Variants in GLRX5 observed in about 807,000 individuals in gnomAD.
The protein encoded by GLRX5 is glutaredoxin 5.
In GLRX5, 10 loss-of-function variants were observed where a neutral mutation model predicts 13.8. The observed-to-expected ratio is 0.72, with a 90% CI of 0.45 to 1.23. GLRX5 has a LOEUF of 1.23. Among genes scored for constraint, GLRX5 ranks in the 50% most tolerant of loss-of-function variants. The pLI is 0.00. For synonymous variants in GLRX5, 98 were observed against 101.1 expected (o/e 0.97, Z 0.18); for missense variants, 233 against 215.2 (o/e 1.08, Z -0.52).
At chr14:95,542,761 A>G (rs924324183) in intron 1 of GLRX5, among the ~76,000 whole-genome samples, 1 of 152,236 alleles carries the variant, frequency 6.6e-6, no homozygotes, top group South Asian at 2.1e-4. Context: ...TAAAAGTGTC[A>G]CATAAGTGTT....
At chr14:95,543,666 CAA>C (rs3071413) in intron 1 of GLRX5, 3 of 370,840 alleles carry the variant, frequency 8.1e-6, no homozygotes, top group African/African-American at 2.1e-5. Flanking sequence ...CTAATTCTCA[CAA>C]AAAAAAAAAC....
At chr14:95,542,490 T>C (rs1371344943) in intron 1 of GLRX5, among the ~76,000 whole-genome samples, 3 of 152,226 alleles carry the variant, frequency 2.0e-5, no homozygotes, top group Non-Finnish European at 4.4e-5. Context: ...CAAAGTCAGT[T>C]TTTTTAATAA....
At chr14:95,536,876 G>T (rs1415297005) in intron 1 of GLRX5, among the ~76,000 whole-genome samples, 1 of 152,150 alleles carries the variant, frequency 6.6e-6, no homozygotes, top group Non-Finnish European at 1.5e-5. Flanking sequence ...CGAGAGGGCA[G>T]GTTCAAATTA....
chr14:95,539,563 C>T (rs1383796003), intron 1 of GLRX5, among the ~76,000 whole-genome samples: 1 of 152,166 alleles, frequency 6.6e-6, no homozygotes, highest in Non-Finnish European at 1.5e-5. Context: ...GATATGTGTG[C>T]AGTGCACTTG....
chr14:95,543,618 C>T (rs929169996), intron 1 of GLRX5: 2 of 349,754 alleles, frequency 5.7e-6, no homozygotes, highest in South Asian at 5.4e-5. Context: ...ATCTAAGGTC[C>T]GCAATGTATC....
At position 95,543,578 on chromosome 14, in the gene GLRX5, T is replaced by C. The variant is rs142270184; in HGVS notation, c.296-369T>C. The C allele has an allele frequency of 1.8e-3, 552 of 313,812 alleles. 2 individuals carry two copies. The highest frequency in any genetic ancestry group is 0.011 in the African/African-American group (522 of 46,304). The allele number at this position is 313,812 out of a possible 1,614,324, so 19.4% of individuals were successfully genotyped here. On this transcript the variant is annotated intron_variant, in intron 1 of 1. Coordinates refer to ENST00000331334, the MANE Select transcript of GLRX5 (RefSeq NM_016417.3). ...TTGGCCTTATGTATCTTATGTGACT[T>C]GCATTACCCAGTCCAGTCCTCTGCC...
chr14:95,543,203 C>T (rs1265061446), intron 1 of GLRX5: 2 of 455,870 alleles, frequency 4.4e-6, no homozygotes, highest in Non-Finnish European at 8.8e-6. Flanking sequence ...ATTAGACTCA[C>T]CAGTCACTTC....
intron 1 of GLRX5, among the ~76,000 whole-genome samples, chr14:95,538,362 A>G (rs1428085708): frequency 6.6e-6 from 1 of 152,262 alleles, no homozygotes; most frequent in Non-Finnish European, 1.5e-5. Flanking sequence ...GAACAGTGAC[A>G]GAATAGGGAC....
chr14:95,540,486 C>A (rs1320623863), intron 1 of GLRX5, among the ~76,000 whole-genome samples: 1 of 152,208 alleles, frequency 6.6e-6, no homozygotes, highest in Non-Finnish European at 1.5e-5. Flanking sequence ...GCTACATTTA[C>A]AGGCTAGCAA....
At chr14:95,543,123 AAG>A in intron 1 of GLRX5, 1 of 456,000 alleles carries the variant, frequency 2.2e-6, no homozygotes, top group South Asian at 1.5e-5. Flanking sequence ...GTGAGCGCTT[AAG>A]AGCAGAGCGG....
At chr14:95,542,787 TG>T (rs1891492708) in intron 1 of GLRX5, among the ~76,000 whole-genome samples, 1 of 152,266 alleles carries the variant, frequency 6.6e-6, no homozygotes, top group South Asian at 2.1e-4. Context: ...TTATATGCCA[TG>T]CTTTGACCAT....
Position 95,544,348 on chromosome 14 carries a change from G to A in GLRX5, c.*223G>A, listed in dbSNP as rs1891524934. The A allele has an allele frequency of 1.0e-5, 6 of 573,662 alleles. No individual in the cohort carries two copies. Among genetic ancestry groups the A allele is most frequent in the Non-Finnish European group, 1.9e-5 (6 of 320,764 alleles). 35.5% of individuals were successfully genotyped at this position (573,662 alleles called of 1,614,324 possible). ...CACTGCACTGTAATGATTCAATGCTGTATTATGATATTGCTGTAAACAAAA... is the reference window on the plus strand; with the variant it reads ...CACTGCACTGTAATGATTCAATGCTATATTATGATATTGCTGTAAACAAAA... On this transcript the variant is annotated 3_prime_UTR_variant, in exon 2 of 2. Transcript: ENST00000331334.
rs933218859 is a variant in GLRX5, at chr14:95,537,507, A to G, written c.295+2123A>G. On this transcript the variant is annotated intron_variant, in intron 1 of 1. Transcript: ENST00000331334. ...AACATTTGGACTGGGCAGGGTGGTA[A>G]AAGCACGTTCCCCAAATGGGGATTA... Among the ~76,000 whole-genome samples, 4 of 152,256 alleles carry G rather than the reference A, an allele frequency of 2.6e-5. No homozygotes were observed. In the South Asian group the frequency reaches 8.3e-4, roughly 31 times the overall value.
chr14:95,540,028 TGCAG>T (rs962921222), intron 1 of GLRX5, among the ~76,000 whole-genome samples: 3 of 152,118 alleles, frequency 2.0e-5, no homozygotes, highest in African/African-American at 7.2e-5. Context: ...GAGCTGGGAT[TGCAG>T]GCACCTGGCA....
Position 95,535,088 on chromosome 14 carries a change from A to G in GLRX5, c.-2A>G. 7.5e-7 allele frequency: 1 copy of G among 1,333,358 alleles called. No homozygotes were observed. Among genetic ancestry groups the G allele is most frequent in the Non-Finnish European group, 9.7e-7 (1 of 1,029,794 alleles). 82.6% of individuals were successfully genotyped at this position (1,333,358 alleles called of 1,614,324 possible). A position where few individuals can be genotyped will look rare whatever the true frequency, so the allele number is the denominator to read the frequency against. Reference sequence around the variant, plus strand: ...GTCGTGGGCTCCGGCTTGCGTGCGGAGATGAGCGGGTCCCTCGGCCGAGCT... The same window carrying G: ...GTCGTGGGCTCCGGCTTGCGTGCGGGGATGAGCGGGTCCCTCGGCCGAGCT... On this transcript the variant is annotated 5_prime_UTR_variant, in exon 1 of 2. Coordinates refer to ENST00000331334, the MANE Select transcript of GLRX5 (RefSeq NM_016417.3).
chr14:95,542,073 T>C (rs1891482954), intron 1 of GLRX5, among the ~76,000 whole-genome samples: 1 of 152,242 alleles, frequency 6.6e-6, no homozygotes, highest in South Asian at 2.1e-4. Context: ...CTCTCAGTCA[T>C]CATAAAGGTA....
Position 95,543,776 on chromosome 14 carries a change from C to G in GLRX5, c.296-171C>G, listed in dbSNP as rs184842277. The G allele has an allele frequency of 9.2e-6, 6 of 654,292 alleles. No individual in the cohort carries two copies. In the East Asian group the frequency reaches 1.4e-4, roughly 15 times the overall value. 40.5% of individuals were successfully genotyped at this position (654,292 alleles called of 1,614,324 possible). ...AGAGTCAGGGCCTAACCACTGGTCT[C>G]TTTGACACAAAAACTCATGCTCTTA... is the stretch of plus-strand genomic sequence containing the variant. On this transcript the variant is annotated intron_variant, in intron 1 of 1. Coordinates refer to ENST00000331334, the MANE Select transcript of GLRX5 (RefSeq NM_016417.3).
rs17092670 is a variant in GLRX5 at position 95,544,563 on chromosome 14, T to G, written c.*438T>G. On this transcript the variant is annotated 3_prime_UTR_variant, in exon 2 of 2. Coordinates refer to ENST00000331334, the MANE Select transcript of GLRX5 (RefSeq NM_016417.3). ...AGAAACTGTGATAACTGGGGCGTTG[T>G]TTTTTAAAATAAACTCCAGCACAGG... is the stretch of plus-strand genomic sequence containing the variant. 3,597 of 207,120 alleles carry G rather than the reference T, an allele frequency of 0.017. 141 individuals are homozygous for G. Among genetic ancestry groups the G allele is most frequent in the African/African-American group, 0.078 (3,339 of 42,916 alleles). The allele number at this position is 207,120 out of a possible 1,614,324, so 12.8% of individuals were successfully genotyped here. A position where few individuals can be genotyped will look rare whatever the true frequency, so the allele number is the denominator to read the frequency against.
chr14:95,543,863 A>T, intron 1 of GLRX5, 84 bp from the exon 2 acceptor site: 1 of 1,190,486 alleles, frequency 8.4e-7, no homozygotes, highest in Non-Finnish European at 1.3e-6. Flanking sequence ...GTTGTCTGCT[A>T]CTAGTGGGTC....
Sources: allele counts gnomAD v4.1 joint callset (sites outside exome capture counted in the v4.1 genomes callset), GRCh38; gene constraint gnomAD v4.1.1; transcripts MANE v1.5; gene names NCBI Gene and HGNC (gene_info 2026-07-23, HGNC 2026-07-21).